The following OSBPL6 variants were observed in gnomAD, a reference collection of about 807,000 sequenced individuals.
OSBPL6 encodes the protein oxysterol-binding protein-related protein 6.
A neutral mutation model predicts 125.8 loss-of-function variants in OSBPL6; 49 were observed. That is an observed-to-expected ratio of 0.39 (90% CI 0.31 to 0.49). OSBPL6 has a LOEUF of 0.49. Among genes scored for constraint, OSBPL6 ranks in the 20% least tolerant of loss-of-function variants. The probability of loss-of-function intolerance (pLI) is 0.88; values close to 1 mark genes in which losing one functional copy is unlikely to be tolerated. For synonymous variants in OSBPL6, 394 were observed against 391.8 expected, an observed-to-expected ratio of 1.01 and a Z score of -0.07; for missense variants, 986 against 1,135.4, an observed-to-expected ratio of 0.87 and a Z score of 1.89.
intron 1 of OSBPL6, among the ~76,000 whole-genome samples, chr2:178,212,712 A>G (rs917112079): frequency 5.3e-5 from 8 of 152,232 alleles, no homozygotes; most frequent in Admixed American, 1.3e-4. Context: ...CAGTGAAAGT[A>G]TGCAATTTTT....
At chr2:178,207,088 A>T (rs1433352023) in intron 1 of OSBPL6, among the ~76,000 whole-genome samples, 1 of 152,166 alleles carries the variant, frequency 6.6e-6, no homozygotes, top group East Asian at 1.9e-4. Flanking sequence ...AGCGATAGCC[A>T]GTGGGTCCCT....
intron 13 of OSBPL6, among the ~76,000 whole-genome samples, chr2:178,371,884 A>G (rs1362298580): frequency 6.6e-6 from 1 of 152,180 alleles, no homozygotes; most frequent in African/African-American, 2.4e-5. Flanking sequence ...CACTTTTATG[A>G]AATCTATTAA....
intron 1 of OSBPL6, among the ~76,000 whole-genome samples, chr2:178,226,028 C>T (rs1436341175): frequency 6.6e-6 from 1 of 152,128 alleles, no homozygotes; most frequent in African/African-American, 2.4e-5. Flanking sequence ...GGCAAAGCAG[C>T]CCGGAGCTAG....
Position 178,239,592 on chromosome 2 carries a change from T to TTTTTTTTA in OSBPL6, c.-351+44921_-351+44922insTTTTATTT, listed in dbSNP as rs375630982. Reference sequence around the variant, plus strand: ...GATATTATTAATTTAATGAACTTTATTTTATTTATTTATTTATTTATTTAT... The same window carrying TTTTTTTTA: ...GATATTATTAATTTAATGAACTTTATTTTTTTTATTTATTTATTTATTTATTTATTTAT... On this transcript the variant is annotated intron_variant, in intron 1 of 24. Transcript: ENST00000190611. 3.1e-3 allele frequency among the ~76,000 whole-genome samples: 425 copies of TTTTTTTTA among 138,744 alleles called. 2 individuals are homozygous for TTTTTTTTA. The highest frequency in any genetic ancestry group is 0.01 in the African/African-American group (386 of 37,324). The allele number at this position is 138,744 out of a possible 152,430, so 91.0% of individuals were successfully genotyped here.
intron 1 of OSBPL6, among the ~76,000 whole-genome samples, chr2:178,224,757 A>G (rs933059354): frequency 3.3e-5 from 5 of 152,164 alleles, no homozygotes; most frequent in Non-Finnish European, 5.9e-5. Flanking sequence ...CAATATAATG[A>G]GACCCCATCT....
intron 1 of OSBPL6, among the ~76,000 whole-genome samples, chr2:178,255,570 C>T (rs1386104100): frequency 6.6e-6 from 1 of 152,226 alleles, no homozygotes; most frequent in African/African-American, 2.4e-5. Context: ...ATACCATTGT[C>T]TTCCACTGGC....
At chr2:178,258,714 C>T (rs1391613806) in intron 1 of OSBPL6, among the ~76,000 whole-genome samples, 1 of 151,820 alleles carries the variant, frequency 6.6e-6, no homozygotes, top group Non-Finnish European at 1.5e-5. Flanking sequence ...CCTGTATGTC[C>T]TTTTGCTGTC....
At chr2:178,361,950 A>G in intron 13 of OSBPL6, 135 bp downstream of exon 13, 1 of 1,078,482 alleles carries the variant, frequency 9.3e-7, no homozygotes, top group South Asian at 1.9e-5. Context: ...CCCCCAAAAG[A>G]CTGCAGTGTC....
At chr2:178,296,436 T>A (rs1218409837) in intron 2 of OSBPL6, among the ~76,000 whole-genome samples, 1 of 152,076 alleles carries the variant, frequency 6.6e-6, no homozygotes, top group East Asian at 1.9e-4. Flanking sequence ...ACCCAGGCAA[T>A]CCATGGGATA....
intron 2 of OSBPL6, among the ~76,000 whole-genome samples, chr2:178,301,255 A>G (rs948515900): frequency 1.3e-5 from 2 of 152,142 alleles, no homozygotes; most frequent in South Asian, 4.1e-4. Flanking sequence ...AATGATCAAG[A>G]CTAAATGTAT....
chr2:178,349,524 T>A, intron 12 of OSBPL6, 135 bp downstream of exon 12: 2 of 1,037,396 alleles, frequency 1.9e-6, no homozygotes, highest in Non-Finnish European at 2.7e-6. Context: ...AAGTTCTATA[T>A]ACAAAAATGC....
chr2:178,207,793 A>T (rs2089617502), intron 1 of OSBPL6, among the ~76,000 whole-genome samples: 1 of 152,210 alleles, frequency 6.6e-6, no homozygotes, highest in African/African-American at 2.4e-5. Context: ...AGGATATCAA[A>T]TGTACAAGAT....
At chr2:178,361,926 A>T (rs1390210318) in intron 13 of OSBPL6, 111 bp downstream of exon 13, 2 of 1,294,932 alleles carry the variant, frequency 1.5e-6, no homozygotes, top group South Asian at 1.7e-5. Context: ...GGGATAGTAC[A>T]GTTTGCAGAA....
At chr2:178,331,675 T>C (rs1689209602) in intron 6 of OSBPL6, 70 bp downstream of exon 6, 4 of 1,502,848 alleles carry the variant, frequency 2.7e-6, no homozygotes, top group African/African-American at 1.4e-5. Flanking sequence ...AACACTGTAA[T>C]TGTACAAGCC....
chr2:178,263,781 C>T (rs999514783), intron 1 of OSBPL6, among the ~76,000 whole-genome samples: 2 of 149,500 alleles, frequency 1.3e-5, no homozygotes, highest in East Asian at 2.0e-4. Flanking sequence ...GTCTGAGGAC[C>T]GGCAGAGACA....
chr2:178,311,762 T>C (rs895187923), intron 3 of OSBPL6, among the ~76,000 whole-genome samples: 5 of 152,030 alleles, frequency 3.3e-5, no homozygotes, highest in African/African-American at 1.2e-4. Flanking sequence ...TGAGAGTAAA[T>C]GAAGGATAGC....
intron 19 of OSBPL6, 103 bp from the exon 20 acceptor site, chr2:178,386,958 C>T (rs1575043248): frequency 1.6e-6 from 1 of 619,948 alleles, no homozygotes; most frequent in South Asian, 2.6e-5. Context: ...AATCAGTTGT[C>T]ATTCCAAAGT....
chr2:178,270,655 T>C (rs902110306), intron 1 of OSBPL6, among the ~76,000 whole-genome samples: 3 of 152,196 alleles, frequency 2.0e-5, no homozygotes, highest in Admixed American at 6.5e-5. Flanking sequence ...AAAAGTTGGA[T>C]GTTTGATATG....
At chr2:178,334,198 C>T (rs1368045156) in intron 8 of OSBPL6, among the ~76,000 whole-genome samples, 2 of 152,200 alleles carry the variant, frequency 1.3e-5, no homozygotes, top group Non-Finnish European at 2.9e-5. Flanking sequence ...CACTGCACTG[C>T]GCAGGGGTGC....
Sources: allele counts gnomAD v4.1 joint callset (sites outside exome capture counted in the v4.1 genomes callset), GRCh38; gene constraint gnomAD v4.1.1; transcripts MANE v1.5; gene names NCBI Gene and HGNC (gene_info 2026-07-23, HGNC 2026-07-21).